CHD1L: variants seen among roughly 807,000 people sequenced by gnomAD.
CHD1L encodes ATP-dependent chromatin remodeler CHD1L.
A neutral mutation model predicts 115.9 loss-of-function variants in CHD1L; 118 were observed. The observed-to-expected ratio is 1.02, with a 90% CI of 0.88 to 1.19. The LOEUF is 1.19. Among genes scored for constraint, CHD1L ranks in the 50% most tolerant of loss-of-function variants. The pLI, the probability that CHD1L is intolerant of heterozygous loss-of-function variation, is 0.00. For missense variants in CHD1L, 1,179 were observed against 1,065.3 expected (o/e 1.11, Z -1.49); for synonymous variants, 411 against 387.1 (o/e 1.06, Z -0.72).
chr1:147,235,127 G>GTA, the CHD1L span, among the ~76,000 whole-genome samples: 3 of 150,514 alleles, frequency 2.0e-5, no homozygotes, highest in African/African-American at 2.5e-5. Flanking sequence ...GTGTGTATGT[G>GTA]TGTGTGTATT....
the CHD1L span, among the ~76,000 whole-genome samples, chr1:147,190,457 G>A: frequency 6.6e-6 from 1 of 152,004 alleles, no homozygotes. Context: ...CTTTGTCTTT[G>A]GAAGGGATTT....
At chr1:147,183,948 A>G in the CHD1L span, among the ~76,000 whole-genome samples, 50 of 152,310 alleles carry the variant, frequency 3.3e-4, no homozygotes, top group African/African-American at 1.1e-3. Context: ...AGCTTCAATA[A>G]AGAACATATC....
At chr1:147,176,614 G>A in the CHD1L span, among the ~76,000 whole-genome samples, 3 of 152,070 alleles carry the variant, frequency 2.0e-5, no homozygotes, top group Non-Finnish European at 1.5e-5. Context: ...AAATAGATAT[G>A]GTGTATAGTG....
intron 5 of CHD1L, among the ~76,000 whole-genome samples, chr1:147,258,304 T>C (rs782177390): frequency 2.0e-5 from 3 of 152,204 alleles, no homozygotes; most frequent in Non-Finnish European, 4.4e-5. Context: ...CTTTGATAAG[T>C]GATTTGACCC....
At chr1:147,242,085 C>A (rs1559703534), upstream of CHD1L, among the ~76,000 whole-genome samples, 1 of 152,142 alleles carries the variant, frequency 6.6e-6, no homozygotes. Context: ...GTCACGGTGA[C>A]CCCTAACTGA....
At chr1:147,222,170 G>A in the CHD1L span, among the ~76,000 whole-genome samples, 1 of 152,286 alleles carries the variant, frequency 6.6e-6, no homozygotes, top group South Asian at 2.1e-4. Flanking sequence ...AGGAGTTCGA[G>A]AATAGCCTGG....
At position 147,286,246 on chromosome 1, in the gene CHD1L, G is replaced by A. The variant is rs9661159; in HGVS notation, c.2019-52G>A. Reference sequence around the variant, plus strand: ...AACAGCAGTATAAAATGTGCTCCAAGGGAAATTGTGATTGTCTGGGTTAAT... The same window carrying A: ...AACAGCAGTATAAAATGTGCTCCAAAGGAAATTGTGATTGTCTGGGTTAAT... On this transcript the variant is annotated intron_variant, in intron 17 of 22. Transcript: ENST00000369258. 144,806 of 1,564,438 alleles carry A rather than the reference G, an allele frequency of 0.093. 7,566 individuals carry two copies. Among genetic ancestry groups the A allele is most frequent in the East Asian group, 0.2 (8,712 of 44,276 alleles).
In CHD1L at chr1:147,272,164, T is replaced by C. The variant is rs1676492294; in HGVS notation, c.1160-7T>C. 1 of 1,607,940 alleles carries C rather than the reference T, an allele frequency of 6.2e-7. No individual in the cohort carries two copies. Among genetic ancestry groups the C allele is most frequent in the Non-Finnish European group, 8.5e-7 (1 of 1,176,106 alleles). The stretch of plus-strand genomic sequence containing the variant: ...TAAGATTTCTGTTTTTCTTCCTCTC[T>C]GTAAAGGCTACAGCTATGAGCGTGT... On this transcript the variant is annotated splice_region_variant and splice_polypyrimidine_tract_variant and intron_variant, in intron 11 of 22. Coordinates refer to ENST00000369258, the MANE Select transcript of CHD1L (RefSeq NM_004284.6).
At position 147,284,264 on chromosome 1, in the gene CHD1L, C is replaced by T. The variant is rs1682142831; in HGVS notation, c.1706-87C>T. The T allele has an allele frequency of 6.4e-6, 7 of 1,089,720 alleles. No individual in the cohort carries two copies. The South Asian group carries it at 6.9e-5, about 11-fold the overall frequency. The allele number at this position is 1,089,720 out of a possible 1,614,324, so 67.5% of individuals were successfully genotyped here. On this transcript the variant is annotated intron_variant, in intron 15 of 22. Transcript: ENST00000369258. ...CCCATTTAGAATATAGGCTGTTCTC[C>T]TGTCCACTTTTGTTATTGATTTGAA...
At chr1:147,293,940 C>T (rs1231847346) in intron 21 of CHD1L, among the ~76,000 whole-genome samples, 5 of 151,970 alleles carry the variant, frequency 3.3e-5, no homozygotes, top group African/African-American at 4.8e-5. Context: ...CTCCATCCCC[C>T]GGGTATTTTT....
chr1:147,260,138 G>T (rs587661089), intron 6 of CHD1L: 24 of 406,254 alleles, frequency 5.9e-5, no homozygotes, highest in African/African-American at 4.2e-4. Flanking sequence ...TGTTGCAACT[G>T]ATGAACCTAC....
intron 19 of CHD1L, among the ~76,000 whole-genome samples, chr1:147,289,893 C>T (rs587660722): frequency 1.3e-5 from 2 of 152,152 alleles, no homozygotes; most frequent in African/African-American, 4.8e-5. Flanking sequence ...GAAGACGTCA[C>T]ATGATTTGTC....
chr1:147,193,938 A>G, the CHD1L span, among the ~76,000 whole-genome samples: 1 of 151,938 alleles, frequency 6.6e-6, no homozygotes, highest in Non-Finnish European at 1.5e-5. Context: ...TATGTGATCA[A>G]TTTTGCAATA....
the CHD1L span, among the ~76,000 whole-genome samples, chr1:147,198,868 A>G: frequency 1.3e-4 from 19 of 146,190 alleles, no homozygotes; most frequent in Admixed American, 1.4e-4. Flanking sequence ...AAAAAAAAAA[A>G]AAAAAAAGAA....
chr1:147,221,844 G>A, the CHD1L span, among the ~76,000 whole-genome samples: 9 of 152,126 alleles, frequency 5.9e-5, no homozygotes, highest in Non-Finnish European at 1.0e-4. Context: ...CAAATCCTTC[G>A]AAACACCTGA....
chr1:147,176,146 T>C, the CHD1L span: 1 of 152,206 alleles, frequency 6.6e-6, no homozygotes, highest in African/African-American at 2.4e-5. Context: ...TAGCAAAATA[T>C]ATGAGTTTAT....
the CHD1L span, among the ~76,000 whole-genome samples, chr1:147,220,944 CAAA>C: frequency 7.3e-6 from 1 of 137,344 alleles, no homozygotes; most frequent in Non-Finnish European, 1.6e-5. Context: ...TTTAAGTTTC[CAAA>C]AAAAAAAAAA....
intron 6 of CHD1L, among the ~76,000 whole-genome samples, chr1:147,262,647 A>T (rs1266246938): frequency 6.6e-6 from 1 of 152,128 alleles, no homozygotes; most frequent in Non-Finnish European, 1.5e-5. Context: ...ATACTACAAA[A>T]ACATCACCTA....
chr1:147,206,171 C>T, the CHD1L span, among the ~76,000 whole-genome samples: 1 of 150,682 alleles, frequency 6.6e-6, no homozygotes, highest in Non-Finnish European at 1.5e-5. Flanking sequence ...AAAAAATGCT[C>T]ATCATCACTG....
Sources: allele counts gnomAD v4.1 joint callset (sites outside exome capture counted in the v4.1 genomes callset), GRCh38; gene constraint gnomAD v4.1.1; transcripts MANE v1.5; gene names NCBI Gene and HGNC (gene_info 2026-07-23, HGNC 2026-07-21).